The following GNPTAB variants were observed in gnomAD, a reference collection of about 807,000 sequenced individuals.
GNPTAB encodes the protein N-acetylglucosamine-1-phosphotransferase subunits alpha/beta.
In GNPTAB, 92 loss-of-function variants were observed where a neutral mutation model predicts 136.6. The ratio of observed to expected loss-of-function variants is 0.67; its 90% CI spans 0.57 to 0.80. The LOEUF (loss-of-function observed/expected upper bound fraction) is 0.80, where lower values mean the gene tolerates loss of function less well. Ranked by LOEUF, GNPTAB falls within the 30% of genes least tolerant of loss-of-function variation. The pLI, the probability that GNPTAB is intolerant of heterozygous loss-of-function variation, is 0.00. For missense variants in GNPTAB, 1,343 were observed against 1,501.8 expected (o/e 0.89, Z 1.75); for synonymous variants, 512 against 535.1 (o/e 0.96, Z 0.60).
chr12:101,774,215 G>A (rs1293576855), intron 7 of GNPTAB, among the ~76,000 whole-genome samples: 1 of 152,114 alleles, frequency 6.6e-6, no homozygotes, highest in African/African-American at 2.4e-5. Context: ...TTTGAGTCAA[G>A]GAAAGACAAT....
At chr12:101,772,963 A>T (rs952632035) in intron 7 of GNPTAB, among the ~76,000 whole-genome samples, 30 of 152,164 alleles carry the variant, frequency 2.0e-4, no homozygotes, top group African/African-American at 5.8e-4. Flanking sequence ...ATTACAGGCA[A>T]GCACCACCAT....
intron 1 of GNPTAB, among the ~76,000 whole-genome samples, chr12:101,800,314 G>C (rs544417155): frequency 1.3e-5 from 2 of 151,742 alleles, no homozygotes; most frequent in East Asian, 3.9e-4. Flanking sequence ...GTGAGACCTC[G>C]TCTCTATTTT....
chr12:101,774,227 T>C (rs757781763), intron 7 of GNPTAB, among the ~76,000 whole-genome samples: 9 of 152,138 alleles, frequency 5.9e-5, no homozygotes, highest in South Asian at 2.1e-4. Flanking sequence ...AAAGACAATA[T>C]AGATGATGGT....
At chr12:101,762,292 C>T (rs1275614812) in intron 13 of GNPTAB, among the ~76,000 whole-genome samples, 1 of 152,138 alleles carries the variant, frequency 6.6e-6, no homozygotes, top group Non-Finnish European at 1.5e-5. Flanking sequence ...AGCATTCAAA[C>T]ACTTTACAGA....
chr12:101,757,487 G>C (rs1952918971), intron 17 of GNPTAB, 85 bp downstream of exon 17: 1 of 833,498 alleles, frequency 1.2e-6, no homozygotes, highest in Non-Finnish European at 2.1e-6. Context: ...GTGCTTAATA[G>C]ACAAAATATT....
intron 2 of GNPTAB, among the ~76,000 whole-genome samples, chr12:101,795,103 T>C (rs939652965): frequency 5.9e-5 from 9 of 152,194 alleles, no homozygotes; most frequent in Non-Finnish European, 1.3e-4. Flanking sequence ...AAGTGAAAAT[T>C]ATATTTCATT....
intron 2 of GNPTAB, 192 bp downstream of exon 2, chr12:101,796,485 G>A (rs1052794654): frequency 6.5e-6 from 4 of 616,066 alleles, no homozygotes; most frequent in Admixed American, 2.9e-5. Context: ...TCTCTGTATC[G>A]TTCCAGTTTT....
At chr12:101,759,721 T>G (rs1472183461) in intron 16 of GNPTAB, among the ~76,000 whole-genome samples, 2 of 152,210 alleles carry the variant, frequency 1.3e-5, no homozygotes, top group Non-Finnish European at 2.9e-5. Context: ...TCCTTGATGG[T>G]TAAACCTCAG....
rs1391934802 is a variant in GNPTAB at position 101,761,176 on chromosome 12, T to C, written c.3086A>G (p.Glu1029Gly). The change falls in exon 15 of 21, where the codon GAA becomes GGA. Residue 1029 changes from glutamate (E) to glycine (G), a missense_variant. Transcript: ENST00000299314. ...AATTCTGGTAGCCAGTGTTCGGATT[T>C]CTCTGTCAGACAAGACACCAGATTG... ...TDQSGVLSDR[E>G]IRTLATRIHE... is the part of the protein sequence containing the mutation. 1.9e-6 allele frequency: 3 copies of C among 1,614,132 alleles called. No homozygotes were observed. The Admixed American group carries it at 5.0e-5, about 27-fold the overall frequency.
intron 1 of GNPTAB, among the ~76,000 whole-genome samples, chr12:101,801,059 C>A (rs1203636581): frequency 1.3e-5 from 2 of 150,710 alleles, no homozygotes; most frequent in African/African-American, 4.9e-5. Context: ...CATAGTGAGA[C>A]CTCATCTCTA....
intron 13 of GNPTAB, among the ~76,000 whole-genome samples, chr12:101,763,271 G>A (rs1048335168): frequency 3.3e-5 from 5 of 151,402 alleles, no homozygotes; most frequent in African/African-American, 1.2e-4. Context: ...GGAAACTGAG[G>A]AAATAAACAT....
At chr12:101,807,838 A>G (rs7979041) in intron 1 of GNPTAB, among the ~76,000 whole-genome samples, 97,110 of 152,052 alleles carry the variant, frequency 0.64, 32,402 homozygotes, top group East Asian at 0.92. Context: ...ACTGAGGCAC[A>G]ATAGCACCAC....
At chr12:101,800,597 A>T (rs1351129084) in intron 1 of GNPTAB, among the ~76,000 whole-genome samples, 1 of 105,544 alleles carries the variant, frequency 9.5e-6, no homozygotes, top group Non-Finnish European at 1.8e-5. Context: ...CATCACTACT[A>T]AAAATACAAA....
chr12:101,752,516 T>C (rs746093229), intron 19 of GNPTAB, among the ~76,000 whole-genome samples: 2 of 152,238 alleles, frequency 1.3e-5, no homozygotes, highest in African/African-American at 2.4e-5. Flanking sequence ...GATAGTCTGG[T>C]TGTTGAAGTA....
chr12:101,768,205 A>C (rs1953122739), intron 10 of GNPTAB, 45 bp from the exon 11 acceptor site: 1 of 1,601,862 alleles, frequency 6.2e-7, no homozygotes, highest in South Asian at 1.1e-5. Flanking sequence ...CTGGCTTCTG[A>C]TACATTTTAT....
At chr12:101,780,121 A>G in intron 7 of GNPTAB, 31 bp downstream of exon 7, 1 of 1,602,054 alleles carries the variant, frequency 6.2e-7, no homozygotes, top group Non-Finnish European at 8.6e-7. Context: ...AGAATGTGCC[A>G]GGCTAATTGC....
At chr12:101,790,790 A>G (rs1181207221) in intron 2 of GNPTAB, among the ~76,000 whole-genome samples, 1 of 151,444 alleles carries the variant, frequency 6.6e-6, no homozygotes, top group East Asian at 1.9e-4. Flanking sequence ...CAAAACCCAC[A>G]ATGAAGACCT....
At chr12:101,824,434 T>TATATATATATA (rs1566103110) in intron 1 of GNPTAB, among the ~76,000 whole-genome samples, 1 of 67,974 alleles carries the variant, frequency 1.5e-5, no homozygotes, top group African/African-American at 6.4e-5. Flanking sequence ...ATATATATAT[T>TATATATATATA]TTCTTTTTTT....
rs768077700 is a variant in GNPTAB, at chr12:101,761,783, T to C, written c.2716-20A>G. On this transcript the variant is annotated intron_variant, in intron 13 of 20. Transcript: ENST00000299314. Reference sequence around the variant, plus strand: ...TTCTTCCTGAAAAGAGAATTCTACATGTAACTCAGCATTATGTTTAGTGCA... The same window carrying C: ...TTCTTCCTGAAAAGAGAATTCTACACGTAACTCAGCATTATGTTTAGTGCA... The C allele has an allele frequency of 1.3e-6, 2 of 1,550,690 alleles. No homozygotes were observed. Among genetic ancestry groups the C allele is most frequent in the Non-Finnish European group, 8.9e-7 (1 of 1,123,274 alleles).
Sources: gnomAD v4.1 joint callset for allele counts (sites outside exome capture counted in the v4.1 genomes callset) on GRCh38, gnomAD v4.1.1 for gene constraint, MANE v1.5 for transcripts, NCBI Gene and HGNC (gene_info 2026-07-23, HGNC 2026-07-21) for gene names.